ARHGEF10L: variants seen among roughly 807,000 people sequenced by gnomAD.
The protein encoded by ARHGEF10L is Rho guanine nucleotide exchange factor 10 like.
In ARHGEF10L, 69 loss-of-function variants were observed where a neutral mutation model predicts 141.2. That is an observed-to-expected ratio of 0.49 (90% CI 0.40 to 0.60). The LOEUF is 0.60. ARHGEF10L is among the 20% of genes least tolerant of loss of function. The probability of loss-of-function intolerance (pLI) is 0.00; values close to 1 mark genes in which losing one functional copy is unlikely to be tolerated. For missense variants in ARHGEF10L, 1,482 were observed against 1,734.3 expected (o/e 0.85, Z 2.58); for synonymous variants, 711 against 718.5 (o/e 0.99, Z 0.17).
chr1:17,514,760 T>C, the ARHGEF10L span, among the ~76,000 whole-genome samples: 150,208 of 152,290 alleles, frequency 0.99, 74,119 homozygotes, highest in African/African-American at 0.99. Flanking sequence ...GTGTGTGTGT[T>C]GGGGGGACCT....
At chr1:17,543,730 C>T (rs1047715382) in intron 1 of ARHGEF10L, among the ~76,000 whole-genome samples, 1 of 151,988 alleles carries the variant, frequency 6.6e-6, no homozygotes, top group African/African-American at 2.4e-5. Flanking sequence ...TCACTGCAAC[C>T]ACCGCCCCCT....
Position 17,644,154 on chromosome 1 carries a change from A to G in ARHGEF10L, c.2272+3852A>G, listed in dbSNP as rs939482130. ...TGGCTAATGCCAAACTCACAGGGAC[A>G]TAACCAGGTGGCCCAAGGCAGTGAG... On this transcript the variant is annotated intron_variant, in intron 21 of 28. Transcript: ENST00000361221. The surrounding 1 kb of genome is among the most constrained non-coding windows in gnomAD (Gnocchi z 4.5). Among the ~76,000 whole-genome samples, 4 of 152,252 alleles carry G rather than the reference A, an allele frequency of 2.6e-5. No individual in the cohort carries two copies. The highest frequency in any genetic ancestry group is 2.6e-4 in the Admixed American group (4 of 15,292).
the ARHGEF10L span, among the ~76,000 whole-genome samples, chr1:17,532,594 A>T: frequency 3.3e-5 from 4 of 119,834 alleles, no homozygotes; most frequent in African/African-American, 6.0e-5. Context: ...TTCACCCTTG[A>T]TCTTTTTTTT....
chr1:17,622,967 C>T (rs777194937), intron 11 of ARHGEF10L, 29 bp from the exon 12 acceptor site: 1 of 1,597,938 alleles, frequency 6.3e-7, no homozygotes, highest in Non-Finnish European at 8.5e-7. Context: ...GCGGCCTGGC[C>T]TGCGGCCTCA....
intron 1 of ARHGEF10L, among the ~76,000 whole-genome samples, chr1:17,565,339 C>T (rs111588760): frequency 7.2e-4 from 110 of 152,348 alleles, no homozygotes; most frequent in African/African-American, 2.5e-3. Context: ...GCTCAAGGCA[C>T]AGGCCCTGGA....
At chr1:17,652,806 G>A (rs1484482297) in intron 22 of ARHGEF10L, among the ~76,000 whole-genome samples, 2 of 152,024 alleles carry the variant, frequency 1.3e-5, no homozygotes, top group Non-Finnish European at 2.9e-5. Flanking sequence ...GCTCTGAGAT[G>A]CTTTAAAACT....
chr1:17,602,957 C>T (rs2080831317), intron 5 of ARHGEF10L, among the ~76,000 whole-genome samples: 1 of 151,818 alleles, frequency 6.6e-6, no homozygotes, highest in African/African-American at 2.4e-5. Context: ...GGTGGGCAGG[C>T]CTGGGAGCTG....
chr1:17,519,644 T>C, the ARHGEF10L span, among the ~76,000 whole-genome samples: 2 of 151,962 alleles, frequency 1.3e-5, no homozygotes, highest in Non-Finnish European at 2.9e-5. Context: ...AACTCCATCA[T>C]GGCCAACCTG....
At chr1:17,620,953 A>G (rs751165731) in intron 10 of ARHGEF10L, among the ~76,000 whole-genome samples, 2 of 152,054 alleles carry the variant, frequency 1.3e-5, no homozygotes, top group Non-Finnish European at 2.9e-5. Flanking sequence ...TGTTGGAAAG[A>G]TCCTCAGCTG....
chr1:17,516,710 A>AG, the ARHGEF10L span, among the ~76,000 whole-genome samples: 1 of 152,098 alleles, frequency 6.6e-6, no homozygotes, highest in South Asian at 2.1e-4. Context: ...AGGGGGTGGG[A>AG]GGGGGCAGCA....
rs146168363 is a variant in ARHGEF10L, at chr1:17,634,898, G to A, written c.1809G>A (p.Thr603=). 2.4e-4 allele frequency: 386 copies of A among 1,614,104 alleles called. 2 individuals are homozygous for A. In the African/African-American group the frequency reaches 4.6e-3, roughly 19 times the overall value. Residue 603 remains threonine (T), a synonymous_variant, in exon 18 of 29, where the codon ACG becomes ACA. Coordinates refer to ENST00000361221, the MANE Select transcript of ARHGEF10L (RefSeq NM_018125.4). The part of the protein sequence containing the change: ...LGPKYVVKWN[T]ALPQVQVVEV... ...CCAAGTATGTGGTGAAGTGGAACAC[G>A]GCGCTGCCCCAGGTGCAGGTGGTGG...
In ARHGEF10L at chr1:17,673,063, T is replaced by C. The variant is rs542703133; in HGVS notation, c.3009+8468T>C. On this transcript the variant is annotated intron_variant, in intron 26 of 28. Coordinates refer to ENST00000361221, the MANE Select transcript of ARHGEF10L (RefSeq NM_018125.4). This position sits in a 1 kb window ranked among gnomAD's most constrained non-coding sequence, Gnocchi z 4.1. ...TTTCATGATTTTAAAAAGAAGTTGG[T>C]CGCTGATGGCTCAGGGAACAGGCTT... 6.6e-6 allele frequency among the ~76,000 whole-genome samples: 1 copy of C among 152,174 alleles called. No homozygotes were observed. Among genetic ancestry groups the C allele is most frequent in the South Asian group, 2.1e-4 (1 of 4,820 alleles).
At chr1:17,614,801 C>G (rs1292236539) in intron 8 of ARHGEF10L, among the ~76,000 whole-genome samples, 1 of 152,200 alleles carries the variant, frequency 6.6e-6, no homozygotes, top group Non-Finnish European at 1.5e-5. Context: ...AGAAAGTCAG[C>G]CTTGTTCCTT....
chr1:17,532,729 G>A, the ARHGEF10L span, among the ~76,000 whole-genome samples: 5 of 151,836 alleles, frequency 3.3e-5, no homozygotes, highest in Non-Finnish European at 7.4e-5. Flanking sequence ...CGAGTAGCTG[G>A]GACTACAGGC....
At chr1:17,671,213 G>A (rs958880208) in intron 26 of ARHGEF10L, among the ~76,000 whole-genome samples, 4 of 152,236 alleles carry the variant, frequency 2.6e-5, no homozygotes, top group African/African-American at 7.2e-5. Context: ...CAGGGCCCTC[G>A]CAGGACTCTG....
chr1:17,572,124 G>A (rs889693012), intron 1 of ARHGEF10L, among the ~76,000 whole-genome samples: 1 of 152,198 alleles, frequency 6.6e-6, no homozygotes, highest in Non-Finnish European at 1.5e-5. Context: ...CCAGCTGTGC[G>A]CAACCATCTC....
rs974156239 is a variant in ARHGEF10L, at chr1:17,580,647, G to C, written c.37+15G>C. 6.2e-7 allele frequency: 1 copy of C among 1,614,176 alleles called. No individual in the cohort carries two copies. Among genetic ancestry groups the C allele is most frequent in the Non-Finnish European group, 8.5e-7 (1 of 1,180,030 alleles). On this transcript the variant is annotated intron_variant, in intron 2 of 28. Transcript: ENST00000361221. ...GCCTGCCATAGGTACCGTACCCAGG[G>C]CTTCCTGTCCCTCTCATCCTTTCTT...
At position 17,696,803 on chromosome 1, in the gene ARHGEF10L, C is replaced by T. The variant is rs140234432; in HGVS notation, c.3308-45C>T. ...AGAGACTCAGGTGCTTCCCTTAATG[C>T]GCTGGGCCTTTGGGCCCCTTTCTCT... On this transcript the variant is annotated intron_variant, in intron 28 of 28. Transcript: ENST00000361221. 7.8e-4 allele frequency: 1,168 copies of T among 1,502,564 alleles called. 4 individuals are homozygous for T. The African/African-American group carries it at 0.015, about 19-fold the overall frequency. The allele number at this position is 1,502,564 out of a possible 1,614,324, so 93.1% of individuals were successfully genotyped here. A position where few individuals can be genotyped will look rare whatever the true frequency, so the allele number is the denominator to read the frequency against.
At chr1:17,522,656 G>A in the ARHGEF10L span, among the ~76,000 whole-genome samples, 1 of 152,026 alleles carries the variant, frequency 6.6e-6, no homozygotes, top group African/African-American at 2.4e-5. Flanking sequence ...GGTGGCTGGG[G>A]GCTACCCCTC....
Sources: allele counts gnomAD v4.1 joint callset (sites outside exome capture counted in the v4.1 genomes callset), GRCh38; gene constraint gnomAD v4.1.1; non-coding constraint Gnocchi (gnomAD v3.1); transcripts MANE v1.5; gene names NCBI Gene and HGNC (gene_info 2026-07-23, HGNC 2026-07-21).